Variants in FBXW7 observed in about 807,000 individuals in gnomAD.
FBXW7 encodes the protein F-box/WD repeat-containing protein 7.
A neutral mutation model predicts 86.3 loss-of-function variants in FBXW7; 11 were observed. The ratio of observed to expected loss-of-function variants is 0.13; its 90% confidence interval spans 0.08 to 0.21. The LOEUF (loss-of-function observed/expected upper bound fraction) is 0.21, where lower values mean the gene tolerates loss of function less well. FBXW7 is among the 10% of genes least tolerant of loss of function. FBXW7 has a pLI of 1.00. For synonymous variants in FBXW7, 313 were observed against 297.9 expected (o/e 1.05, Z -0.52); for missense variants, 488 against 847.4 (o/e 0.58, Z 5.27).
intron 4 of FBXW7, among the ~76,000 whole-genome samples, chr4:152,374,156 AC>A (rs1421853437): frequency 1.3e-5 from 2 of 151,976 alleles, no homozygotes; most frequent in African/African-American, 4.8e-5. Context: ...ACAAACAAAA[AC>A]AAAACAAACC....
At chr4:152,447,612 T>C (rs1259865322) in intron 2 of FBXW7, among the ~76,000 whole-genome samples, 1 of 152,220 alleles carries the variant, frequency 6.6e-6, no homozygotes, top group East Asian at 1.9e-4. Context: ...TACTTGATAT[T>C]AGATTTTTAA....
intron 2 of FBXW7, among the ~76,000 whole-genome samples, chr4:152,486,838 T>C (rs960246606): frequency 6.6e-6 from 1 of 152,168 alleles, no homozygotes; most frequent in African/African-American, 2.4e-5. Context: ...GCTATACTTT[T>C]AGACTGGCAG....
chr4:152,370,893 A>C (rs1733950969), intron 4 of FBXW7, among the ~76,000 whole-genome samples: 1 of 151,936 alleles, frequency 6.6e-6, no homozygotes, highest in African/African-American at 2.4e-5. Flanking sequence ...TAAACACAAG[A>C]CACTATCAAA....
intron 2 of FBXW7, among the ~76,000 whole-genome samples, chr4:152,525,137 GAA>G (rs1749393362): frequency 6.6e-6 from 1 of 151,754 alleles, no homozygotes; most frequent in African/African-American, 2.4e-5. Flanking sequence ...TACCAATAAA[GAA>G]AAGTATTTAA....
At chr4:152,506,011 T>C (rs1490209289) in intron 2 of FBXW7, among the ~76,000 whole-genome samples, 1 of 151,706 alleles carries the variant, frequency 6.6e-6, no homozygotes, top group Non-Finnish European at 1.5e-5. Context: ...AAAGTGAATT[T>C]ATTTTTTTAA....
At position 152,454,262 on chromosome 4, in the gene FBXW7, C is replaced by CT. The variant is rs35734380; in HGVS notation, c.-119-41734dup. On this transcript the variant is annotated intron_variant, in intron 2 of 13. Transcript: ENST00000281708. ...GAGTAACTCTCTAAGCCCCCCCCCC[C>CT]TTTTTTTTTTTTTTCCACGCCAATA... is the stretch of plus-strand genomic sequence containing the variant. Among the ~76,000 whole-genome samples, 1,088 of 113,700 alleles carry CT rather than the reference C, an allele frequency of 9.6e-3. 5 individuals carry two copies. Among genetic ancestry groups the CT allele is most frequent in the Non-Finnish European group, 0.016 (878 of 55,474 alleles). 74.6% of individuals were successfully genotyped at this position (113,700 alleles called of 152,430 possible).
At chr4:152,493,720 A>G (rs1453930297) in intron 2 of FBXW7, among the ~76,000 whole-genome samples, 2 of 152,190 alleles carry the variant, frequency 1.3e-5, no homozygotes, top group Non-Finnish European at 2.9e-5. Flanking sequence ...CAAGCCAAGG[A>G]GAGAGGCCTC....
At chr4:152,474,837 T>C (rs549672454) in intron 2 of FBXW7, among the ~76,000 whole-genome samples, 46 of 152,274 alleles carry the variant, frequency 3.0e-4, no homozygotes, top group African/African-American at 1.1e-3. Context: ...AGCTAATTTT[T>C]GTATTTTCAG....
At chr4:152,464,439 A>G (rs1223929128) in intron 2 of FBXW7, among the ~76,000 whole-genome samples, 1 of 152,214 alleles carries the variant, frequency 6.6e-6, no homozygotes, top group Non-Finnish European at 1.5e-5. Flanking sequence ...TATGAAATGA[A>G]AAAGGAATAA....
In FBXW7 at chr4:152,484,283, A is replaced by G. The variant is rs1474401360; in HGVS notation, c.-120+50658T>C. The stretch of plus-strand genomic sequence containing the variant: ...ATTTTTTTTTCTTAAAATGATAAAT[A>G]TCAAATATACAAAATGAAAAATCAA... On this transcript the variant is annotated intron_variant, in intron 2 of 13. Coordinates refer to ENST00000281708, the MANE Select transcript of FBXW7 (RefSeq NM_001349798.2). Among the ~76,000 whole-genome samples, 7 of 152,156 alleles carry G rather than the reference A, an allele frequency of 4.6e-5. No individual in the cohort carries two copies. The East Asian group carries it at 1.3e-3, about 29-fold the overall frequency.
intron 2 of FBXW7, among the ~76,000 whole-genome samples, chr4:152,452,443 T>C (rs940980012): frequency 6.6e-6 from 1 of 152,198 alleles, no homozygotes; most frequent in African/African-American, 2.4e-5. Context: ...AAGTATAAAA[T>C]GCTTCTGAAT....
chr4:152,480,213 T>A (rs1744757033), intron 2 of FBXW7, among the ~76,000 whole-genome samples: 1 of 152,196 alleles, frequency 6.6e-6, no homozygotes, highest in African/African-American at 2.4e-5. Context: ...TTTTAGTAAT[T>A]CTCACAATAT....
At chr4:152,419,856 A>T (rs575040784) in intron 2 of FBXW7, among the ~76,000 whole-genome samples, 14 of 152,192 alleles carry the variant, frequency 9.2e-5, no homozygotes, top group Middle Eastern at 6.8e-3. Flanking sequence ...TATACTGCTT[A>T]AAAAAATGCT....
intron 7 of FBXW7, among the ~76,000 whole-genome samples, chr4:152,332,929 C>CAG (rs1388226012): frequency 1.3e-5 from 2 of 151,990 alleles, no homozygotes; most frequent in Non-Finnish European, 2.9e-5. Flanking sequence ...GAACTTCACT[C>CAG]TACTAACTCT....
At chr4:152,343,151 T>C (rs1730907871) in intron 6 of FBXW7, among the ~76,000 whole-genome samples, 1 of 152,176 alleles carries the variant, frequency 6.6e-6, no homozygotes, top group Non-Finnish European at 1.5e-5. Context: ...ATACTTATCA[T>C]TTAAAAATAT....
chr4:152,433,847 A>G (rs1164168987), intron 2 of FBXW7, among the ~76,000 whole-genome samples: 1 of 152,138 alleles, frequency 6.6e-6, no homozygotes, highest in Admixed American at 6.5e-5. Context: ...ATGATTGACT[A>G]TTTTCTAGGA....
In FBXW7 at chr4:152,411,545, C is replaced by T. The variant is rs745883259; in HGVS notation, c.259G>A (p.Val87Ile). 1 of 1,613,920 alleles carries T rather than the reference C, an allele frequency of 6.2e-7. No homozygotes were observed. The highest frequency in any genetic ancestry group is 8.5e-7 in the Non-Finnish European group (1 of 1,179,928). Residue 87 changes from valine to isoleucine, a missense_variant, in exon 4 of 14, where the codon GTA becomes ATA. Around this residue, in one of 4 missense-constraint regions of FBXW7, gnomAD observed 230 missense variants for 240.0 expected, o/e 0.96. Transcript: ENST00000281708. ...LEENNNRFIS[V>I]DEDSSGNQEE... ...TGGTTTCCTGAGGAGTCCTCATCTA[C>T]CGAAATAAATCTATTATTGTTTTCT...
At chr4:152,455,317 A>G (rs1465668710) in intron 2 of FBXW7, among the ~76,000 whole-genome samples, 1 of 152,222 alleles carries the variant, frequency 6.6e-6, no homozygotes, top group African/African-American at 2.4e-5. Flanking sequence ...TTCTGTTACA[A>G]TCTAAACAAG....
intron 4 of FBXW7, among the ~76,000 whole-genome samples, chr4:152,388,330 T>C (rs574639130): frequency 6.6e-6 from 1 of 152,232 alleles, no homozygotes; most frequent in East Asian, 1.9e-4. Flanking sequence ...ACATACAACA[T>C]ACACAAGTGT....
Sources: gnomAD v4.1 joint callset for allele counts (sites outside exome capture counted in the v4.1 genomes callset) on GRCh38, gnomAD v4.1.1 for gene constraint, gnomAD v4.1.1 regional missense constraint, MANE v1.5 for transcripts, NCBI Gene and HGNC (gene_info 2026-07-23, HGNC 2026-07-21) for gene names.